Variants in DNAAF4 observed in about 807,000 individuals in gnomAD.
The protein encoded by DNAAF4 is dynein axonemal assembly factor 4, also known as dynein assembly factor 4, axonemal.
In DNAAF4, 43 loss-of-function variants were observed where a neutral mutation model predicts 51.8. That is an observed-to-expected ratio of 0.83 (90% CI 0.65 to 1.07). The LOEUF (loss-of-function observed/expected upper bound fraction) is 1.07. Among genes scored for constraint, DNAAF4 ranks in the 50% least tolerant of loss-of-function variants. DNAAF4 has a pLI of 0.00. For synonymous variants in DNAAF4, 194 were observed against 165.6 expected (o/e 1.17, Z -1.32); for missense variants, 581 against 493.0 (o/e 1.18, Z -1.69).
At position 55,446,940 on chromosome 15, in the gene DNAAF4, C is replaced by T. The variant is rs1332646317; in HGVS notation, c.783+3282G>A. Among the ~76,000 whole-genome samples the T allele has an allele frequency of 2.0e-5, 3 of 146,600 alleles. No individual in the cohort carries two copies. In the East Asian group the frequency reaches 6.2e-4, roughly 30 times the overall value. ...GGCGGCCAGGCAGAGGCGCTCCTCA[C>T]ATCCCAGATGATGGGCGGCCGGGCA... On this transcript the variant is annotated intron_variant, in intron 6 of 9. Coordinates refer to ENST00000321149, the MANE Select transcript of DNAAF4 (RefSeq NM_130810.4).
downstream of DNAAF4, among the ~76,000 whole-genome samples, chr15:55,428,468 TCA>T: frequency 7.0e-6 from 1 of 142,718 alleles, no homozygotes; most frequent in South Asian, 2.3e-4. Context: ...TAAATCTCTC[TCA>T]CTGTCTTTTT....
chr15:55,442,669 A>G, intron 6 of DNAAF4: 1 of 1,515,780 alleles, frequency 6.6e-7, no homozygotes, highest in Middle Eastern at 2.3e-4. Context: ...CTTTATAAGT[A>G]AGCTTGTCGC....
At chr15:55,497,690 C>T (rs2141602926) in intron 3 of DNAAF4, 22 bp downstream of exon 3, 1 of 1,586,636 alleles carries the variant, frequency 6.3e-7, no homozygotes, top group African/African-American at 1.4e-5. Context: ...ACCAGATGAA[C>T]ATCTTTTAAT....
intron 4 of DNAAF4, 84 bp from the exon 5 acceptor site, chr15:55,467,245 T>C: frequency 8.3e-7 from 1 of 1,207,874 alleles, no homozygotes; most frequent in Non-Finnish European, 1.2e-6. Flanking sequence ...AATAATTAGT[T>C]ATTCATACCT....
intron 5 of DNAAF4, among the ~76,000 whole-genome samples, chr15:55,458,272 T>C (rs1352479210): frequency 6.6e-6 from 1 of 151,824 alleles, no homozygotes; most frequent in African/African-American, 2.4e-5. Context: ...GAAAATCAAC[T>C]TAAAGAAATT....
chr15:55,484,327 C>CA (rs903136042), intron 4 of DNAAF4, among the ~76,000 whole-genome samples: 10 of 151,278 alleles, frequency 6.6e-5, no homozygotes, highest in Admixed American at 1.3e-4. Context: ...ACTAAAAATA[C>CA]AAAAAAAATT....
chr15:55,460,662 A>C (rs2058082304), intron 5 of DNAAF4, among the ~76,000 whole-genome samples: 1 of 152,226 alleles, frequency 6.6e-6, no homozygotes, highest in African/African-American at 2.4e-5. Flanking sequence ...AGATATTTAC[A>C]GAATATTCTA....
At chr15:55,441,634 A>G (rs571620662) in intron 6 of DNAAF4, among the ~76,000 whole-genome samples, 9 of 150,262 alleles carry the variant, frequency 6.0e-5, no homozygotes, top group African/African-American at 2.0e-4. Flanking sequence ...TCATTGTTCA[A>G]TTCCCACCTA....
rs560950739 is a variant in DNAAF4, at chr15:55,447,902, T to C, written c.783+2320A>G. On this transcript the variant is annotated intron_variant, in intron 6 of 9. Coordinates refer to ENST00000321149, the MANE Select transcript of DNAAF4 (RefSeq NM_130810.4). ...GGAGAGGGGAGCCCCTTTATTTCTTTCTCCTGCCTGACTGCCCTGGCCAGA... is the reference window on the plus strand; with the variant it reads ...GGAGAGGGGAGCCCCTTTATTTCTTCCTCCTGCCTGACTGCCCTGGCCAGA... Among the ~76,000 whole-genome samples, 44 of 140,414 alleles carry C rather than the reference T, an allele frequency of 3.1e-4. 1 individual carries two copies. Among genetic ancestry groups the C allele is most frequent in the African/African-American group, 1.1e-3 (41 of 38,248 alleles). The allele number at this position is 140,414 out of a possible 152,430, so 92.1% of individuals were successfully genotyped here.
downstream of DNAAF4, among the ~76,000 whole-genome samples, chr15:55,427,706 G>A (rs1044120970): frequency 2.6e-5 from 4 of 151,426 alleles, no homozygotes; most frequent in African/African-American, 4.9e-5. Flanking sequence ...CGCCACCTCA[G>A]CTCACCGCAA....
At chr15:55,429,091 A>G (rs1312231986), downstream of DNAAF4, among the ~76,000 whole-genome samples, 1 of 151,648 alleles carries the variant, frequency 6.6e-6, no homozygotes, top group Non-Finnish European at 1.5e-5. Flanking sequence ...ATGTGGTGGC[A>G]CGCACCTGTA....
chr15:55,474,478 G>A (rs2058309054), intron 4 of DNAAF4, among the ~76,000 whole-genome samples: 1 of 152,072 alleles, frequency 6.6e-6, no homozygotes, highest in Admixed American at 6.5e-5. Context: ...AGGTTGCAGT[G>A]AGCCAAGATT....
chr15:55,430,701 T>C lies in DNAAF4; in HGVS notation c.1232A>G (p.Asn411Ser), dbSNP rs1275021689. ...TTTTAGTTCTGTTCCTTGAATTACA[T>C]TCCGAATCTTCTCAGCATCAATTTG... ...IVQIDAEKIR[N>S]VIQGTELKS is the part of the protein sequence containing the mutation. Residue 411 changes from asparagine (N) to serine (S), a missense_variant, in exon 10 of 10, where the codon AAT becomes AGT. By Grantham distance (46) the Asn-to-Ser change is conservative (BLOSUM62 1). Transcript: ENST00000321149. The C allele has an allele frequency of 6.2e-6, 10 of 1,613,290 alleles. No individual in the cohort carries two copies. The South Asian group carries it at 1.1e-4, about 18-fold the overall frequency.
At chr15:55,458,704 C>T (rs1444302446) in intron 5 of DNAAF4, among the ~76,000 whole-genome samples, 1 of 152,108 alleles carries the variant, frequency 6.6e-6, no homozygotes, top group Non-Finnish European at 1.5e-5. Context: ...CCGGGGAATT[C>T]ATTGCAAAAA....
intron 6 of DNAAF4, among the ~76,000 whole-genome samples, chr15:55,446,843 C>CTGA (rs1396529347): frequency 2.8e-5 from 4 of 144,266 alleles, no homozygotes; most frequent in East Asian, 2.1e-4. Flanking sequence ...GATGGGGTGG[C>CTGA]CGGGCAGAGG....
chr15:55,454,526 T>G (rs1384066121), intron 5 of DNAAF4, among the ~76,000 whole-genome samples: 1 of 151,850 alleles, frequency 6.6e-6, no homozygotes, highest in Non-Finnish European at 1.5e-5. Context: ...TACAGCTATG[T>G]GCCACCACAG....
chr15:55,450,772 G>GT (rs1464027700), intron 5 of DNAAF4, among the ~76,000 whole-genome samples: 3 of 152,138 alleles, frequency 2.0e-5, no homozygotes, highest in African/African-American at 7.2e-5. Context: ...TTATAATAGT[G>GT]TAAGAGGTTT....
chr15:55,427,115 G>A (rs2057437604), downstream of DNAAF4, among the ~76,000 whole-genome samples: 2 of 152,086 alleles, frequency 1.3e-5, no homozygotes, highest in African/African-American at 4.8e-5. Flanking sequence ...CGCCCAGGCT[G>A]GAGTGCAGTG....
intron 3 of DNAAF4, 63 bp from the exon 4 acceptor site, chr15:55,491,319 C>G: frequency 2.6e-6 from 4 of 1,519,658 alleles, no homozygotes; most frequent in South Asian, 1.2e-5. Context: ...TATGAGAAAA[C>G]TACTTAAATA....
Sources: gnomAD v4.1 joint callset for allele counts (sites outside exome capture counted in the v4.1 genomes callset) on GRCh38, gnomAD v4.1.1 for gene constraint, MANE v1.5 for transcripts, NCBI Gene and HGNC (gene_info 2026-07-23, HGNC 2026-07-21) for gene names.